The following PDE4D variants were observed in gnomAD, a reference collection of about 807,000 sequenced individuals.
The protein encoded by PDE4D is 3',5'-cyclic-AMP phosphodiesterase 4D.
PDE4D carries 24 observed loss-of-function variants against 87.4 expected under a neutral mutation model. That is an observed-to-expected ratio of 0.27 (90% CI 0.20 to 0.39). PDE4D has a LOEUF of 0.39. Ranked by LOEUF, PDE4D falls within the 10% of genes least tolerant of loss-of-function variation. PDE4D has a pLI of 1.00. For synonymous variants in PDE4D, 384 were observed against 383.2 expected (o/e 1.00, Z -0.02); for missense variants, 714 against 1,041.0 (o/e 0.69, Z 4.32).
intron 1 of PDE4D, among the ~76,000 whole-genome samples, chr5:59,696,525 A>G (rs560196809): frequency 1.3e-5 from 2 of 152,314 alleles, no homozygotes; most frequent in African/African-American, 2.4e-5. Context: ...GAATGGCGCT[A>G]GTGGAGAGGA....
chr5:59,729,784 A>G (rs1357699443), intron 1 of PDE4D, among the ~76,000 whole-genome samples: 1 of 152,122 alleles, frequency 6.6e-6, no homozygotes, highest in Non-Finnish European at 1.5e-5. Context: ...AATTCTAGCT[A>G]TATTTAATTC....
intron 3 of PDE4D, among the ~76,000 whole-genome samples, chr5:59,922,918 C>T (rs2152779892): frequency 6.6e-6 from 1 of 152,208 alleles, no homozygotes; most frequent in East Asian, 1.9e-4. Context: ...ATCTCCCATT[C>T]CAGGCCCTGG....
At chr5:59,860,836 T>C (rs1449606696) in intron 1 of PDE4D, among the ~76,000 whole-genome samples, 2 of 151,954 alleles carry the variant, frequency 1.3e-5, no homozygotes, top group Non-Finnish European at 1.5e-5. Context: ...ACCTTGTTGT[T>C]CGAACTTTTT....
At chr5:59,593,357 C>T (rs1826177648) in intron 1 of PDE4D, among the ~76,000 whole-genome samples, 2 of 150,932 alleles carry the variant, frequency 1.3e-5, no homozygotes, top group South Asian at 4.2e-4. Context: ...TAAGAATGCA[C>T]ACTTATTCTT....
intron 1 of PDE4D, among the ~76,000 whole-genome samples, chr5:59,327,180 G>T (rs982323520): frequency 3.5e-5 from 5 of 142,996 alleles, no homozygotes; most frequent in African/African-American, 1.3e-4. Context: ...CTCCAGACTG[G>T]CTGTGAATGA....
chr5:59,192,609 C>T (rs1744596334), intron 3 of PDE4D, among the ~76,000 whole-genome samples: 1 of 152,110 alleles, frequency 6.6e-6, no homozygotes, highest in South Asian at 2.1e-4. Context: ...ATGATATAGG[C>T]CTGATTATAA....
chr5:59,883,407 T>A (rs1749729016), intron 1 of PDE4D, among the ~76,000 whole-genome samples: 1 of 152,156 alleles, frequency 6.6e-6, no homozygotes, highest in South Asian at 2.1e-4. Flanking sequence ...TGGTGCACAC[T>A]TAGTGTTCAG....
chr5:60,381,707 G>A (rs914786258), intron 1 of PDE4D, among the ~76,000 whole-genome samples: 49 of 152,152 alleles, frequency 3.2e-4, no homozygotes, highest in African/African-American at 1.2e-3. Flanking sequence ...AGGTAAATTT[G>A]GTAGCTGACA....
intron 1 of PDE4D, among the ~76,000 whole-genome samples, chr5:60,467,792 C>T (rs139718186): frequency 1.2e-3 from 179 of 152,258 alleles, no homozygotes; most frequent in African/African-American, 2.3e-3. Context: ...GAAGCAAGCA[C>T]GTCTTGGCAT....
chr5:60,337,388 T>TCTATATATAC (rs1757894861), intron 1 of PDE4D, among the ~76,000 whole-genome samples: 1 of 89,478 alleles, frequency 1.1e-5, no homozygotes, highest in East Asian at 3.8e-4. Context: ...TATATATATA[T>TCTATATATAC]ACACACACAC....
intron 1 of PDE4D, among the ~76,000 whole-genome samples, chr5:59,721,845 T>C (rs1755874002): frequency 6.6e-6 from 1 of 152,184 alleles, no homozygotes; most frequent in Admixed American, 6.6e-5. Flanking sequence ...GACTCCTACC[T>C]ATGCTCTTGA....
chr5:59,776,058 T>C (rs1764048567), intron 1 of PDE4D, among the ~76,000 whole-genome samples: 1 of 152,218 alleles, frequency 6.6e-6, no homozygotes, highest in South Asian at 2.1e-4. Context: ...TTTCTAAAGT[T>C]AAACATATCT....
At chr5:60,107,297 G>T (rs1408381067) in intron 2 of PDE4D, among the ~76,000 whole-genome samples, 3 of 151,950 alleles carry the variant, frequency 2.0e-5, no homozygotes, top group Non-Finnish European at 2.9e-5. Flanking sequence ...ACTCTCCCAA[G>T]ACTAAACCGG....
At position 60,315,116 on chromosome 5, in the gene PDE4D, G is replaced by T. The variant is rs552667336; in HGVS notation, c.-89-129429C>A. 1.4e-3 allele frequency among the ~76,000 whole-genome samples: 209 copies of T among 152,160 alleles called. 1 individual carries two copies. Among genetic ancestry groups the T allele is most frequent in the Admixed American group, 3.3e-3 (51 of 15,264 alleles). On this transcript the variant is annotated intron_variant, in intron 1 of 16. Coordinates refer to the PDE4D transcript ENST00000502484. ...CAATCCCAACAACAGTGTAAAAGTG[G>T]TCCTATTTCTCCACATCCTCTCCAG... is the stretch of plus-strand genomic sequence containing the variant.
intron 1 of PDE4D, among the ~76,000 whole-genome samples, chr5:59,829,146 C>CACACAT (rs1000453611): frequency 6.6e-6 from 1 of 150,456 alleles, no homozygotes; most frequent in Non-Finnish European, 1.5e-5. Context: ...TACTTATCTA[C>CACACAT]ACACACACAC....
intron 1 of PDE4D, among the ~76,000 whole-genome samples, chr5:60,386,961 C>T (rs996270981): frequency 5.9e-5 from 9 of 152,198 alleles, no homozygotes; most frequent in Non-Finnish European, 1.3e-4. Flanking sequence ...TCCATGCAGA[C>T]GTGATTGCTG....
chr5:59,538,730 G>A (rs1324007741), intron 1 of PDE4D, among the ~76,000 whole-genome samples: 3 of 152,030 alleles, frequency 2.0e-5, no homozygotes, highest in Non-Finnish European at 2.9e-5. Context: ...AATGAAGTCC[G>A]GAATTCTTAA....
At chr5:60,160,941 C>A in intron 2 of PDE4D, 1 of 321,488 alleles carries the variant, frequency 3.1e-6, no homozygotes, top group Non-Finnish European at 6.1e-6. Flanking sequence ...TCAATAAAAA[C>A]ACTTCAAAAC....
intron 1 of PDE4D, among the ~76,000 whole-genome samples, chr5:59,779,368 T>C (rs1283035258): frequency 6.6e-6 from 1 of 152,184 alleles, no homozygotes; most frequent in African/African-American, 2.4e-5. Context: ...TTTGTTCTTC[T>C]AGATCTGCAC....
Sources: allele counts gnomAD v4.1 joint callset (sites outside exome capture counted in the v4.1 genomes callset), GRCh38; gene constraint gnomAD v4.1.1; transcripts MANE v1.5; gene names NCBI Gene and HGNC (gene_info 2026-07-23, HGNC 2026-07-21).